The following TENM2 variants were observed in gnomAD, a reference collection of about 807,000 sequenced individuals.
TENM2 encodes the protein teneurin-2.
Under a neutral mutation model 245.2 loss-of-function variants are expected in TENM2, and 52 were observed. The observed-to-expected ratio is 0.21, with a 90% CI of 0.17 to 0.27. The LOEUF (loss-of-function observed/expected upper bound fraction) is 0.27, where lower values mean the gene tolerates loss of function less well. Among genes scored for constraint, TENM2 ranks in the 10% least tolerant of loss-of-function variants. The pLI is 1.00. For synonymous variants in TENM2, 1,363 were observed against 1,438.9 expected, an observed-to-expected ratio of 0.95 and a Z score of 1.19; for missense variants, 3,046 against 3,666.8, an observed-to-expected ratio of 0.83 and a Z score of 4.37.
At chr5:168,230,020 C>CAAAAT (rs1764692701) in intron 25 of TENM2, among the ~76,000 whole-genome samples, 1 of 152,134 alleles carries the variant, frequency 6.6e-6, no homozygotes, top group African/African-American at 2.4e-5. Flanking sequence ...ACTAAGTTTT[C>CAAAAT]CAAATAAAGA....
At chr5:167,915,791 T>G (rs965546088) in intron 3 of TENM2, among the ~76,000 whole-genome samples, 12 of 152,356 alleles carry the variant, frequency 7.9e-5, no homozygotes, top group Non-Finnish European at 1.8e-4. Flanking sequence ...CTCAGCATTT[T>G]ATTTCATGAA....
At chr5:167,360,010 GGTCT>G (rs1172078819) in intron 1 of TENM2, among the ~76,000 whole-genome samples, 3 of 152,096 alleles carry the variant, frequency 2.0e-5, no homozygotes, top group Admixed American at 6.5e-5. Flanking sequence ...CAGACACTGG[GGTCT>G]ACCTCAGGGT....
the TENM2 span, among the ~76,000 whole-genome samples, chr5:167,076,671 G>A: frequency 7.2e-5 from 11 of 152,030 alleles, no homozygotes; most frequent in South Asian, 1.5e-3. Context: ...TAAGATTAAC[G>A]CATTTTTCTC....
the TENM2 span, among the ~76,000 whole-genome samples, chr5:167,217,383 T>A: frequency 6.6e-6 from 1 of 152,070 alleles, no homozygotes; most frequent in Non-Finnish European, 1.5e-5. Flanking sequence ...ATTAAGGGGA[T>A]CAGTCTGCAA....
intron 2 of TENM2, among the ~76,000 whole-genome samples, chr5:167,470,831 T>TTATAAAG (rs1766979726): frequency 6.6e-6 from 1 of 152,124 alleles, no homozygotes; most frequent in Non-Finnish European, 1.5e-5. Context: ...CCAGAAACTG[T>TTATAAAG]TCATTCTTTA....
intron 8 of TENM2, among the ~76,000 whole-genome samples, chr5:168,096,622 G>C (rs1318448428): frequency 6.6e-6 from 1 of 152,202 alleles, no homozygotes; most frequent in Non-Finnish European, 1.5e-5. Context: ...TTTCAATCCA[G>C]AGTGGGAGTA....
At chr5:168,255,280 T>C (rs548261151) in intron 27 of TENM2, among the ~76,000 whole-genome samples, 9 of 152,228 alleles carry the variant, frequency 5.9e-5, no homozygotes, top group Non-Finnish European at 1.3e-4. Flanking sequence ...GGTATGTATT[T>C]ACACCTCATT....
the TENM2 span, among the ~76,000 whole-genome samples, chr5:167,220,467 AG>A: frequency 1.3e-5 from 2 of 152,208 alleles, no homozygotes; most frequent in African/African-American, 4.8e-5. Context: ...ACAAGGACAT[AG>A]CTCATTTTAT....
At chr5:167,033,775 CTGAG>C in the TENM2 span, among the ~76,000 whole-genome samples, 1 of 152,144 alleles carries the variant, frequency 6.6e-6, no homozygotes, top group African/African-American at 2.4e-5. Context: ...CCGTATTACC[CTGAG>C]TAACATTGAT....
chr5:168,155,037 G>A (rs755072766), intron 12 of TENM2, among the ~76,000 whole-genome samples: 47 of 152,288 alleles, frequency 3.1e-4, no homozygotes, highest in Non-Finnish European at 6.6e-4. Context: ...CCGCACACAC[G>A]GGCAAGCAAG....
intron 2 of TENM2, among the ~76,000 whole-genome samples, chr5:167,532,824 G>GTATATATATA (rs1470026065): frequency 2.1e-5 from 2 of 96,646 alleles, no homozygotes; most frequent in Non-Finnish European, 3.9e-5. Context: ...GTGTGTGTGT[G>GTATATATATA]TGTATATATA....
At chr5:167,885,829 A>G (rs182004573) in intron 3 of TENM2, among the ~76,000 whole-genome samples, 1 of 152,138 alleles carries the variant, frequency 6.6e-6, no homozygotes, top group Non-Finnish European at 1.5e-5. Flanking sequence ...GATTACAGGT[A>G]TGTGCCACCA....
the TENM2 span, among the ~76,000 whole-genome samples, chr5:167,021,514 G>T: frequency 1.3e-5 from 2 of 152,318 alleles, no homozygotes; most frequent in Middle Eastern, 6.8e-3. Context: ...TCTCACCTTC[G>T]TGTTGTAGTT....
intron 2 of TENM2, among the ~76,000 whole-genome samples, chr5:167,441,390 A>G (rs1764874777): frequency 6.6e-6 from 1 of 152,142 alleles, no homozygotes; most frequent in South Asian, 2.1e-4. Context: ...GATTCCCTCA[A>G]TTCTTCATTT....
intron 2 of TENM2, among the ~76,000 whole-genome samples, chr5:167,442,934 C>G (rs879548031): frequency 6.6e-6 from 1 of 152,122 alleles, no homozygotes; most frequent in African/African-American, 2.4e-5. Context: ...TCCAATTATT[C>G]AGAAGTCATT....
intron 2 of TENM2, among the ~76,000 whole-genome samples, chr5:167,487,324 G>A (rs1216450413): frequency 6.6e-6 from 1 of 152,098 alleles, no homozygotes; most frequent in Non-Finnish European, 1.5e-5. Flanking sequence ...ATCTAAACCA[G>A]AACTAGATAG....
intron 4 of TENM2, among the ~76,000 whole-genome samples, chr5:167,968,016 C>A (rs79847800): frequency 0.043 from 6,561 of 152,220 alleles, 182 homozygotes; most frequent in Non-Finnish European, 0.066. Flanking sequence ...GTAGGTCCTG[C>A]AACTTTTCTG....
chr5:167,391,920 A>G (rs1020637928), intron 2 of TENM2, among the ~76,000 whole-genome samples: 1 of 152,132 alleles, frequency 6.6e-6, no homozygotes, highest in African/African-American at 2.4e-5. Flanking sequence ...GGGGAAAGGT[A>G]GAGAGAGAAG....
At chr5:167,954,545 C>T (rs939093512) in intron 4 of TENM2, among the ~76,000 whole-genome samples, 5 of 152,106 alleles carry the variant, frequency 3.3e-5, no homozygotes, top group Non-Finnish European at 1.5e-5. Context: ...TATAAACATG[C>T]CATGGTGGTT....
Sources: gnomAD v4.1 joint callset for allele counts (sites outside exome capture counted in the v4.1 genomes callset) on GRCh38, gnomAD v4.1.1 for gene constraint, MANE v1.5 for transcripts, NCBI Gene and HGNC (gene_info 2026-07-23, HGNC 2026-07-21) for gene names.